Variants in NDUFAF3 observed in about 807,000 individuals in gnomAD.
NDUFAF3 encodes NADH dehydrogenase [ubiquinone] 1 alpha subcomplex assembly factor 3.
Under a neutral mutation model 22.6 loss-of-function variants are expected in NDUFAF3, and 21 were observed. The observed-to-expected ratio is 0.93, with a 90% confidence interval of 0.66 to 1.34. The LOEUF (loss-of-function observed/expected upper bound fraction) is 1.34. Ranked by LOEUF, NDUFAF3 falls within the 40% of genes most tolerant of loss-of-function variation. NDUFAF3 has a pLI of 0.00. For missense variants in NDUFAF3, 251 were observed against 248.4 expected (o/e 1.01, Z -0.07); for synonymous variants, 113 against 104.9 (o/e 1.08, Z -0.47).
At chr3:49,021,236 T>A (rs2093153520), upstream of NDUFAF3, 1 of 152,072 alleles carries the variant, frequency 6.6e-6, no homozygotes, top group South Asian at 2.0e-4. This position sits in a 1 kb window ranked among gnomAD's most constrained non-coding sequence, Gnocchi z 4.1. Flanking sequence ...GCCCCGCGGG[T>A]AGCGAAAGCG....
rs1042708257 is a variant in NDUFAF3, at chr3:49,023,000, C to G, written c.438+24C>G. ...CGGTGAGTCCCGGGACTGGGGCATGCTGCGGGGAGCACAGGCCTGGCGCTA... is the reference window on the plus strand; with the variant it reads ...CGGTGAGTCCCGGGACTGGGGCATGGTGCGGGGAGCACAGGCCTGGCGCTA... On this transcript the variant is annotated intron_variant, in intron 4 of 4. Transcript: ENST00000326925. The surrounding 1 kb of genome is among the most constrained non-coding windows in gnomAD (Gnocchi z 6.6). 2 of 1,613,892 alleles carry G rather than the reference C, an allele frequency of 1.2e-6. No individual in the cohort carries two copies. The highest frequency in any genetic ancestry group is 4.5e-5 in the East Asian group (2 of 44,874).
rs2093171495 is a variant in NDUFAF3 at position 49,022,596 on chromosome 3, C to G, written c.270+58C>G. On this transcript the variant is annotated intron_variant, in intron 2 of 4. Coordinates refer to ENST00000326925, the MANE Select transcript of NDUFAF3 (RefSeq NM_199069.2). The surrounding 1 kb of genome is among the most constrained non-coding windows in gnomAD (Gnocchi z 6.6). Reference sequence around the variant, plus strand: ...CCCAGAGTCACAGGCCCTCACCCTGCTTGGTCCCTGCAAACTTGGCTTTCC... The same window carrying G: ...CCCAGAGTCACAGGCCCTCACCCTGGTTGGTCCCTGCAAACTTGGCTTTCC... 1.9e-6 allele frequency: 3 copies of G among 1,613,142 alleles called. No homozygotes were observed. The highest frequency in any genetic ancestry group is 2.5e-6 in the Non-Finnish European group (3 of 1,179,436).
Position 49,022,947 on chromosome 3 carries a change from C to T in NDUFAF3, c.409C>T (p.Arg137Trp). ...CCAGGTGCTTCAAGCCATGAGGCAG[C>T]GGGGCATTGCTGTGGAAGTGCAGGA... is the stretch of plus-strand genomic sequence containing the variant. ...QSQVLQAMRQ[R>W]GIAVEVQDTP... Residue 137 changes from arginine to tryptophan, a missense_variant, in exon 4 of 5, where the codon CGG becomes TGG. Arg to Trp is a moderately radical substitution (Grantham distance 101, BLOSUM62 -3). Coordinates refer to ENST00000326925, the MANE Select transcript of NDUFAF3 (RefSeq NM_199069.2). The surrounding 1 kb of genome is among the most constrained non-coding windows in gnomAD (Gnocchi z 6.6). 1 of 1,614,032 alleles carries T rather than the reference C, an allele frequency of 6.2e-7. No individual in the cohort carries two copies. Among genetic ancestry groups the T allele is most frequent in the Non-Finnish European group, 8.5e-7 (1 of 1,180,018 alleles).
chr3:49,022,663 G>T lies in NDUFAF3; in HGVS notation c.271-39G>T, dbSNP rs759282511. The T allele has an allele frequency of 6.2e-7, 1 of 1,613,702 alleles. No individual in the cohort carries two copies. The highest frequency in any genetic ancestry group is 1.1e-5 in the South Asian group (1 of 91,062). On this transcript the variant is annotated intron_variant, in intron 2 of 4. Transcript: ENST00000326925. This position sits in a 1 kb window ranked among gnomAD's most constrained non-coding sequence, Gnocchi z 6.6. Reference sequence around the variant, plus strand: ...GTGGATGGAGATGGGGAGAGGCTGCGTGGATTTGTCGTATTAAATGTGCCT... The same window carrying T: ...GTGGATGGAGATGGGGAGAGGCTGCTTGGATTTGTCGTATTAAATGTGCCT...
Position 49,022,229 on chromosome 3 carries a change from TG to T in NDUFAF3, c.77+10del, listed in dbSNP as rs907738685. The T allele has an allele frequency of 3.1e-6, 5 of 1,610,704 alleles. No individual in the cohort carries two copies. In the Admixed American group the frequency reaches 5.0e-5, roughly 16 times the overall value. On this transcript the variant is annotated intron_variant, in intron 1 of 4. Coordinates refer to ENST00000326925, the MANE Select transcript of NDUFAF3 (RefSeq NM_199069.2). The surrounding 1 kb of genome is among the most constrained non-coding windows in gnomAD (Gnocchi z 6.6). Reference sequence around the variant, plus strand: ...GCCCGTTGAGCTTCCCTGGTGAGCTTGGACCCCGCGCCCTCGACCATCCAGC... The same window carrying T: ...GCCCGTTGAGCTTCCCTGGTGAGCTTGACCCCGCGCCCTCGACCATCCAGC...
At chr3:49,021,937 G>A (rs936312841), upstream of NDUFAF3, 4 of 601,026 alleles carry the variant, frequency 6.7e-6, no homozygotes, top group African/African-American at 3.8e-5. The surrounding 1 kb of genome is among the most constrained non-coding windows in gnomAD (Gnocchi z 4.1). Flanking sequence ...GGCGGGGAGG[G>A]CGGCAGGTGC....
chr3:49,022,134 G>A lies in NDUFAF3; in HGVS notation c.-11G>A, dbSNP rs772557534. 3.7e-6 allele frequency: 6 copies of A among 1,606,290 alleles called. No individual in the cohort carries two copies. Among genetic ancestry groups the A allele is most frequent in the South Asian group, 1.1e-5 (1 of 90,732 alleles). ...GGCGCCGGTGACGACTTCGCCGCGC[G>A]TTGGTCAGCCATGGCCACCGCTCTC... On this transcript the variant is annotated 5_prime_UTR_variant, in exon 1 of 5. Coordinates refer to ENST00000326925, the MANE Select transcript of NDUFAF3 (RefSeq NM_199069.2). This position sits in a 1 kb window ranked among gnomAD's most constrained non-coding sequence, Gnocchi z 6.6.
Position 49,023,370 on chromosome 3 carries a change from C to A in NDUFAF3, c.*198C>A, listed in dbSNP as rs2093180682. On this transcript the variant is annotated 3_prime_UTR_variant, in exon 5 of 5. Transcript: ENST00000326925. ...GGAATGTGAAGAAACCAAGGAGTCA[C>A]TTTTTCATCTAGATTACTTAGGATT... The A allele has an allele frequency of 6.3e-6, 4 of 634,930 alleles. No homozygotes were observed. The highest frequency in any genetic ancestry group is 1.1e-5 in the Non-Finnish European group (4 of 351,374). The allele number at this position is 634,930 out of a possible 1,614,324, so 39.3% of individuals were successfully genotyped here.
chr3:49,020,554 C>T, upstream of NDUFAF3: 1 of 460,452 alleles, frequency 2.2e-6, no homozygotes, highest in Non-Finnish European at 4.6e-6. Context: ...GAACTGAGAC[C>T]CAAGCAGCTC....
Position 49,022,294 on chromosome 3 carries a change from C to T in NDUFAF3, c.78-52C>T. The T allele has an allele frequency of 6.2e-7, 1 of 1,606,750 alleles. No homozygotes were observed. On this transcript the variant is annotated intron_variant, in intron 1 of 4. Transcript: ENST00000326925. This position sits in a 1 kb window ranked among gnomAD's most constrained non-coding sequence, Gnocchi z 6.6. ...CGACTGCCAGCCCAGCACCTTCCGG[C>T]CTCTCGGGCTGCCCGGCCCGGCCCC... is the stretch of plus-strand genomic sequence containing the variant.
At chr3:49,020,764 C>G (rs144723005), upstream of NDUFAF3, 5,153 of 432,558 alleles carry the variant, frequency 0.012, 73 homozygotes, top group Middle Eastern at 0.029. Context: ...GGGGCCACAT[C>G]AGAACCCGCC....
upstream of NDUFAF3, chr3:49,020,670 A>T (rs775934682): frequency 6.1e-6 from 3 of 493,284 alleles, no homozygotes; most frequent in Non-Finnish European, 1.3e-5. Context: ...CTCTGGAGAC[A>T]ACAGCTGCTT....
In NDUFAF3 at chr3:49,023,205, G is replaced by A. The variant is rs1351062596; in HGVS notation, c.*33G>A. 2 of 1,514,426 alleles carry A rather than the reference G, an allele frequency of 1.3e-6. No homozygotes were observed. Among genetic ancestry groups the A allele is most frequent in the African/African-American group, 2.8e-5 (2 of 72,636 alleles). 93.8% of individuals were successfully genotyped at this position (1,514,426 alleles called of 1,614,324 possible). A position where few individuals can be genotyped will look rare whatever the true frequency, so the allele number is the denominator to read the frequency against. On this transcript the variant is annotated 3_prime_UTR_variant, in exon 5 of 5. Coordinates refer to ENST00000326925, the MANE Select transcript of NDUFAF3 (RefSeq NM_199069.2). ...GGAACTGACCTGCTGACTGCACTCT[G>A]CCAGGCTTCCCAATGCTTTCACTCT...
At position 49,022,739 on chromosome 3, in the gene NDUFAF3, C is replaced by T. The variant is rs749249430; in HGVS notation, c.308C>T (p.Ser103Phe). ...SHQDITEDSF[S>F]LFWLLEPRIE... is the part of the protein sequence containing the mutation. ...CAGGACATCACCGAAGACAGCTTTT[C>T]CCTCTTCTGGTTGCTGGAGCCCCGG... Residue 103 changes from serine (S) to phenylalanine (F), a missense_variant, in exon 3 of 5, where the codon TCC (serine) becomes TTC (phenylalanine). Coordinates refer to ENST00000326925, the MANE Select transcript of NDUFAF3 (RefSeq NM_199069.2). The surrounding 1 kb of genome is among the most constrained non-coding windows in gnomAD (Gnocchi z 6.6). 2 of 1,614,094 alleles carry T rather than the reference C, an allele frequency of 1.2e-6. No individual in the cohort carries two copies. The highest frequency in any genetic ancestry group is 1.7e-6 in the Non-Finnish European group (2 of 1,180,030).
upstream of NDUFAF3, chr3:49,021,998 G>A (rs908905746): frequency 1.2e-6 from 1 of 819,638 alleles, no homozygotes; most frequent in Non-Finnish European, 2.0e-6. The surrounding 1 kb of genome is among the most constrained non-coding windows in gnomAD (Gnocchi z 4.1). Flanking sequence ...CTAAGACTGA[G>A]GACACTCGCC....
In NDUFAF3 at chr3:49,022,841, A is replaced by C; in HGVS notation, c.338-35A>C. 2.5e-6 allele frequency: 4 copies of C among 1,613,480 alleles called. No homozygotes were observed. Among genetic ancestry groups the C allele is most frequent in the Non-Finnish European group, 3.4e-6 (4 of 1,179,772 alleles). The stretch of plus-strand genomic sequence containing the variant: ...GCGACCCCCACTGCAGCCTCTCAAC[A>C]GAACTGTAGACTAGCCACACCCACC... On this transcript the variant is annotated intron_variant, in intron 3 of 4. Coordinates refer to ENST00000326925, the MANE Select transcript of NDUFAF3 (RefSeq NM_199069.2). The surrounding 1 kb of genome is among the most constrained non-coding windows in gnomAD (Gnocchi z 6.6).
chr3:49,022,590 A>C lies in NDUFAF3; in HGVS notation c.270+52A>C. 1.2e-6 allele frequency: 2 copies of C among 1,613,136 alleles called. No individual in the cohort carries two copies. The highest frequency in any genetic ancestry group is 1.7e-6 in the Non-Finnish European group (2 of 1,179,608). ...CTGAGGCCCAGAGTCACAGGCCCTC[A>C]CCCTGCTTGGTCCCTGCAAACTTGG... On this transcript the variant is annotated intron_variant, in intron 2 of 4. Coordinates refer to ENST00000326925, the MANE Select transcript of NDUFAF3 (RefSeq NM_199069.2). This position sits in a 1 kb window ranked among gnomAD's most constrained non-coding sequence, Gnocchi z 6.6.
chr3:49,022,544 T>A lies in NDUFAF3; in HGVS notation c.270+6T>A. The A allele has an allele frequency of 1.9e-6, 3 of 1,612,818 alleles. No individual in the cohort carries two copies. The highest frequency in any genetic ancestry group is 4.5e-5 in the East Asian group (2 of 44,862). The stretch of plus-strand genomic sequence containing the variant: ...ACTCGGTGGTGCAGTGGAACGTGAG[T>A]CCTGGCCCGCAGTGTGGAAACTGAG... On this transcript the variant is annotated splice_donor_region_variant and intron_variant, in intron 2 of 4. Transcript: ENST00000326925. This position sits in a 1 kb window ranked among gnomAD's most constrained non-coding sequence, Gnocchi z 6.6.
chr3:49,022,021 C>T, upstream of NDUFAF3: 3 of 1,016,578 alleles, frequency 3.0e-6, no homozygotes, highest in Admixed American at 2.1e-5. This position sits in a 1 kb window ranked among gnomAD's most constrained non-coding sequence, Gnocchi z 6.6. Flanking sequence ...CTGGGCCGGT[C>T]GAGCTGTGCG....
Sources: gnomAD v4.1 joint callset for allele counts on GRCh38, gnomAD v4.1.1 for gene constraint, Gnocchi (gnomAD v3.1) non-coding constraint, MANE v1.5 for transcripts, NCBI Gene and HGNC (gene_info 2026-07-23, HGNC 2026-07-21) for gene names.